The following PXDN variants were observed in gnomAD, a reference collection of about 807,000 sequenced individuals.
PXDN encodes the protein peroxidasin.
PXDN carries 77 observed loss-of-function variants against 140.3 expected under a neutral mutation model. That is an observed-to-expected ratio of 0.55 (90% CI 0.46 to 0.66). The LOEUF is 0.66. Ranked by LOEUF, PXDN falls within the 30% of genes least tolerant of loss-of-function variation. PXDN has a pLI of 0.00. For missense variants in PXDN, 1,838 were observed against 2,039.5 expected (o/e 0.90, Z 1.90); for synonymous variants, 911 against 857.4 (o/e 1.06, Z -1.09).
rs536508500 is a variant in PXDN, at chr2:1,663,424, G to A, written c.1567+181C>T. 3.9e-5 allele frequency among the ~76,000 whole-genome samples: 6 copies of A among 152,314 alleles called. No homozygotes were observed. In the South Asian group the frequency reaches 1.2e-3, roughly 32 times the overall value. On this transcript the variant is annotated intron_variant, in intron 12 of 22. Coordinates refer to ENST00000252804, the MANE Select transcript of PXDN (RefSeq NM_012293.3). ...TGTTTTCACCCGCTAAAGGGACAGAGATTGAATGAGCTACTATGCAGACAC... is the reference window on the plus strand; with the variant it reads ...TGTTTTCACCCGCTAAAGGGACAGAAATTGAATGAGCTACTATGCAGACAC...
At position 1,644,763 on chromosome 2, in the gene PXDN, A is replaced by T. The variant is rs935911962; in HGVS notation, c.3609-11T>A. 5 of 1,495,276 alleles carry T rather than the reference A, an allele frequency of 3.3e-6. No individual in the cohort carries two copies. The African/African-American group carries it at 7.0e-5, about 21-fold the overall frequency. 92.6% of individuals were successfully genotyped at this position (1,495,276 alleles called of 1,614,324 possible). On this transcript the variant is annotated splice_polypyrimidine_tract_variant and intron_variant, in intron 17 of 22. Coordinates refer to ENST00000252804, the MANE Select transcript of PXDN (RefSeq NM_012293.3). ...GTCGAGCCATACAACCTAAAAAATA[A>T]AGAGAAAACTGAAATCTACCTAACA...
intron 17 of PXDN, among the ~76,000 whole-genome samples, chr2:1,645,364 C>T (rs1558486699): frequency 6.6e-6 from 1 of 152,316 alleles, no homozygotes; most frequent in Non-Finnish European, 1.5e-5. Context: ...ACTTCTACTA[C>T]GAATCAGCTA....
chr2:1,730,549 A>C (rs1002155214), intron 1 of PXDN, among the ~76,000 whole-genome samples: 1 of 152,218 alleles, frequency 6.6e-6, no homozygotes, highest in African/African-American at 2.4e-5. Context: ...GCAGCACCGC[A>C]GTCAGGCTCA....
chr2:1,741,815 A>T (rs1409809341), intron 1 of PXDN, among the ~76,000 whole-genome samples: 1 of 152,202 alleles, frequency 6.6e-6, no homozygotes, highest in African/African-American at 2.4e-5. Flanking sequence ...ATGAGAGCAC[A>T]GTCCTGGGAG....
Position 1,633,826 on chromosome 2 carries a change from T to C in PXDN, c.*378A>G, listed in dbSNP as rs954094454. The C allele has an allele frequency of 1.3e-4, 21 of 161,514 alleles. No homozygotes were observed. Among genetic ancestry groups the C allele is most frequent in the Middle Eastern group, 3.1e-3 (1 of 322 alleles). 10.0% of individuals were successfully genotyped at this position (161,514 alleles called of 1,614,324 possible). On this transcript the variant is annotated 3_prime_UTR_variant, in exon 23 of 23. Coordinates refer to ENST00000252804, the MANE Select transcript of PXDN (RefSeq NM_012293.3). ...GCATCTGAACAAGGCAAGGCTGACATATAGAGGTATCCTGCTTTATTTAAA... is the reference window on the plus strand; with the variant it reads ...GCATCTGAACAAGGCAAGGCTGACACATAGAGGTATCCTGCTTTATTTAAA...
chr2:1,675,166 C>T (rs1347893101), intron 8 of PXDN, among the ~76,000 whole-genome samples: 5 of 151,980 alleles, frequency 3.3e-5, no homozygotes, highest in African/African-American at 4.8e-5. Flanking sequence ...GTGGCCCAAT[C>T]CCCCCCACCA....
At chr2:1,721,007 T>C (rs1425549704) in intron 1 of PXDN, among the ~76,000 whole-genome samples, 1 of 152,172 alleles carries the variant, frequency 6.6e-6, no homozygotes, top group Non-Finnish European at 1.5e-5. Flanking sequence ...TCAGCCTTTA[T>C]TCCGTTAAGG....
chr2:1,655,770 C>T (rs1225049334), intron 14 of PXDN, among the ~76,000 whole-genome samples: 2 of 147,810 alleles, frequency 1.4e-5, no homozygotes, highest in Non-Finnish European at 3.0e-5. Context: ...TGACACATGC[C>T]ACCTACACAG....
chr2:1,668,383 C>T (rs1202248562), intron 9 of PXDN, among the ~76,000 whole-genome samples: 1 of 152,126 alleles, frequency 6.6e-6, no homozygotes, highest in Admixed American at 6.5e-5. Context: ...ATTCAGGACA[C>T]AGGCATGGGC....
intron 1 of PXDN, among the ~76,000 whole-genome samples, chr2:1,723,074 G>A (rs1685090583): frequency 1.3e-5 from 2 of 152,170 alleles, no homozygotes; most frequent in Non-Finnish European, 2.9e-5. Flanking sequence ...ATTAATGGAT[G>A]GATGGATGAA....
chr2:1,713,850 C>G (rs968966371), intron 1 of PXDN, among the ~76,000 whole-genome samples: 7 of 152,230 alleles, frequency 4.6e-5, no homozygotes, highest in African/African-American at 1.7e-4. Flanking sequence ...GTTCACTGAC[C>G]CCATTTTTTT....
intron 4 of PXDN, among the ~76,000 whole-genome samples, chr2:1,684,850 GT>G (rs1423592417): frequency 6.6e-6 from 1 of 152,118 alleles, no homozygotes; most frequent in East Asian, 1.9e-4. Context: ...TGAAAAGTGG[GT>G]TTTTTCCTCT....
intron 1 of PXDN, among the ~76,000 whole-genome samples, chr2:1,726,177 C>A (rs1685178811): frequency 6.6e-6 from 1 of 151,832 alleles, no homozygotes; most frequent in Admixed American, 6.6e-5. Context: ...TGGAACCAAC[C>A]CAAATGTCCA....
In PXDN at chr2:1,744,449, T is replaced by G; in HGVS notation, c.7A>C (p.Lys3Gln). MA[K>Q]RSRGPGRRCL... ...CGGCGCCCGGGGCCCCTGGAGCGCT[T>G]GGCCATGGCCGACGGCGCGGACGGA... The change falls in exon 1 of 23, where the codon AAG becomes CAG. Residue 3 changes from lysine (K) to glutamine (Q), a missense_variant. Physicochemically the swap from Lys to Gln is moderately conservative, Grantham distance 53. This residue lies in a region of PXDN where 231 missense variants were observed against 201.5 expected (regional missense o/e 1.15). Transcript: ENST00000252804. 1 of 1,470,500 alleles carries G rather than the reference T, an allele frequency of 6.8e-7. No individual in the cohort carries two copies. The highest frequency in any genetic ancestry group is 8.9e-7 in the Non-Finnish European group (1 of 1,118,354). The allele number at this position is 1,470,500 out of a possible 1,614,324, so 91.1% of individuals were successfully genotyped here.
chr2:1,675,551 T>C (rs1572148992), intron 8 of PXDN, among the ~76,000 whole-genome samples: 1 of 152,196 alleles, frequency 6.6e-6, no homozygotes, highest in South Asian at 2.1e-4. Context: ...TGTCCGGCAC[T>C]GCAGCCAAGG....
chr2:1,658,180 C>T (rs1485143465), intron 14 of PXDN, among the ~76,000 whole-genome samples: 2 of 152,058 alleles, frequency 1.3e-5, no homozygotes, highest in Admixed American at 6.5e-5. Flanking sequence ...AGCTCCAGCA[C>T]AGTGACTGGG....
Position 1,653,726 on chromosome 2 carries a change from G to A in PXDN, c.2006C>T (p.Thr669Ile). ...TTCTCCCGCCCGTGCCTGTTCAACT[G>A]TGTAAGGATCCCTCGGATACCGGAA... is the stretch of plus-strand genomic sequence containing the variant. ...ALFRYPRDPY[T>I]VEQARAGEIF... is the part of the protein sequence containing the mutation. Residue 669 changes from threonine (T) to isoleucine (I), a missense_variant, in exon 16 of 23, where the codon ACA becomes ATA. By Grantham distance (89) the Thr-to-Ile change is moderately conservative. Around this residue, in one of 5 missense-constraint regions of PXDN, gnomAD observed 537 missense variants for 583.9 expected, o/e 0.92. Transcript: ENST00000252804. 6.2e-7 allele frequency: 1 copy of A among 1,601,580 alleles called. No individual in the cohort carries two copies. Among genetic ancestry groups the A allele is most frequent in the Non-Finnish European group, 8.5e-7 (1 of 1,173,990 alleles).
At chr2:1,675,990 G>A (rs1350071658) in intron 8 of PXDN, among the ~76,000 whole-genome samples, 1 of 152,174 alleles carries the variant, frequency 6.6e-6, no homozygotes, top group African/African-American at 2.4e-5. Context: ...GGACATGGTG[G>A]CTTTACTTCA....
chr2:1,688,447 C>T (rs1054535720), intron 3 of PXDN, among the ~76,000 whole-genome samples: 3 of 152,244 alleles, frequency 2.0e-5, no homozygotes, highest in Non-Finnish European at 4.4e-5. Flanking sequence ...ACAGAAAACA[C>T]TTGCCAAGCC....
Sources: allele counts gnomAD v4.1 joint callset (sites outside exome capture counted in the v4.1 genomes callset), GRCh38; gene constraint gnomAD v4.1.1; regional missense constraint gnomAD v4.1.1; transcripts MANE v1.5; gene names NCBI Gene and HGNC (gene_info 2026-07-23, HGNC 2026-07-21).